Variants in NCOR1 observed in about 807,000 individuals in gnomAD.
NCOR1 encodes protein phosphatase 1, regulatory subunit 109.
NCOR1 carries 63 observed loss-of-function variants against 288.1 expected under a neutral mutation model. The observed-to-expected ratio is 0.22, with a 90% confidence interval of 0.18 to 0.27. NCOR1 has a LOEUF of 0.27. Among genes scored for constraint, NCOR1 ranks in the 10% least tolerant of loss-of-function variants. The pLI, the probability that NCOR1 is intolerant of heterozygous loss-of-function variation, is 1.00. For synonymous variants in NCOR1, 1,007 were observed against 1,065.9 expected, an observed-to-expected ratio of 0.94 and a Z score of 1.08; for missense variants, 2,397 against 3,019.2, an observed-to-expected ratio of 0.79 and a Z score of 4.83.
chr17:16,070,634 T>C (rs1466593990), intron 30 of NCOR1, 109 bp from the exon 31 acceptor site: 44 of 1,439,750 alleles, frequency 3.1e-5, no homozygotes, highest in South Asian at 4.1e-5. Flanking sequence ...GTGATCTTTT[T>C]TGGTCTGTTT....
At chr17:16,038,277 G>C (rs561882190) in intron 44 of NCOR1, among the ~76,000 whole-genome samples, 1 of 152,198 alleles carries the variant, frequency 6.6e-6, no homozygotes, top group African/African-American at 2.4e-5. Context: ...TGGTTTTTTT[G>C]TGTGCTTGTT....
chr17:16,100,836 T>C (rs1289522951), intron 20 of NCOR1, among the ~76,000 whole-genome samples: 2 of 152,188 alleles, frequency 1.3e-5, no homozygotes, highest in Admixed American at 6.5e-5. Context: ...ACCTAATAAG[T>C]AGGGGCTGGT....
chr17:16,079,221 T>G (rs1190163764), intron 26 of NCOR1, among the ~76,000 whole-genome samples: 1 of 152,216 alleles, frequency 6.6e-6, no homozygotes, highest in Non-Finnish European at 1.5e-5. Context: ...GTGTAGCAAT[T>G]TTCTAGGTGA....
intron 22 of NCOR1, chr17:16,087,031 A>G (rs2064344294): frequency 1.9e-6 from 1 of 539,788 alleles, no homozygotes. Flanking sequence ...ACAACTGATG[A>G]TGGAACGCAG....
In NCOR1 at chr17:16,080,485, T is replaced by C; in HGVS notation, c.3323A>G (p.Glu1108Gly). 1 of 1,614,184 alleles carries C rather than the reference T, an allele frequency of 6.2e-7. No homozygotes were observed. The highest frequency in any genetic ancestry group is 8.5e-7 in the Non-Finnish European group (1 of 1,180,024). ...KSATLPYIKQ[E>G]EFSPRSQNSQ... Reference sequence around the variant, plus strand: ...GTTTTGGCTTCGGGGAGAAAATTCTTCCTGCTTGATGTAGGGCAAAGTAGC... The same window carrying C: ...GTTTTGGCTTCGGGGAGAAAATTCTCCCTGCTTGATGTAGGGCAAAGTAGC... Residue 1108 changes from glutamate (E) to glycine (G), a missense_variant, in exon 25 of 46, where the codon GAA (glutamate) becomes GGA (glycine). Physicochemically the swap from Glu to Gly is moderately conservative, Grantham distance 98. Coordinates refer to ENST00000268712, the MANE Select transcript of NCOR1 (RefSeq NM_006311.4).
At chr17:16,058,774 C>CA (rs2060216090) in intron 37 of NCOR1, among the ~76,000 whole-genome samples, 175 bp from the exon 38 acceptor site, 1 of 151,990 alleles carries the variant, frequency 6.6e-6, no homozygotes, top group Non-Finnish European at 1.5e-5. Context: ...AGGCTGGGTG[C>CA]AGTGGCTCAT....
At chr17:16,215,100 G>C (rs1254940560) in intron 1 of NCOR1, among the ~76,000 whole-genome samples, 4 of 152,184 alleles carry the variant, frequency 2.6e-5, no homozygotes, top group African/African-American at 9.7e-5. Context: ...GGCCAGCCCC[G>C]GCCCGGCCAC....
At chr17:16,096,951 AAAAT>A (rs1191686049) in intron 21 of NCOR1, among the ~76,000 whole-genome samples, 1 of 152,252 alleles carries the variant, frequency 6.6e-6, no homozygotes, top group Non-Finnish European at 1.5e-5. Flanking sequence ...TCAGCCTTTA[AAAAT>A]AAAGAAATTC....
intron 44 of NCOR1, among the ~76,000 whole-genome samples, chr17:16,038,586 GC>G (rs1237368700): frequency 1.3e-5 from 2 of 151,950 alleles, no homozygotes; most frequent in Non-Finnish European, 2.9e-5. Flanking sequence ...TACAGCGTGA[GC>G]CACCACACCC....
rs370306036 is a variant in NCOR1, at chr17:16,064,978, G to A, written c.4993C>T (p.Pro1665Ser). The A allele has an allele frequency of 2.5e-6, 4 of 1,613,772 alleles. No homozygotes were observed. The highest frequency in any genetic ancestry group is 3.4e-6 in the Non-Finnish European group (4 of 1,179,824). The change falls in exon 34 of 46, where the codon CCT becomes TCT. Residue 1665 changes from proline (P) to serine (S), a missense_variant. Physicochemically the swap from Pro to Ser is moderately conservative, Grantham distance 74 (BLOSUM62 -1). Around this residue, in one of 11 missense-constraint regions of NCOR1, gnomAD observed 1,872 missense variants for 2,187.8 expected, o/e 0.86. Transcript: ENST00000268712. The stretch of plus-strand genomic sequence containing the variant: ...GGAGTGCTTGTTCCCCCTGGATGAG[G>A]CACTAAAATTGTTGGAGGCATATTG... ...LTNMPPTILV[P>S]HPGGTSTPPM... is the part of the protein sequence containing the mutation.
chr17:16,180,884 C>T lies in NCOR1; in HGVS notation c.242+5670G>A, dbSNP rs147915094. ...GGATTAAGAAAATGTGCAGGCCAGG[C>T]ACAGTGGCTCACTCCTGTAATCCCA... On this transcript the variant is annotated intron_variant, in intron 3 of 45. Coordinates refer to ENST00000268712, the MANE Select transcript of NCOR1 (RefSeq NM_006311.4). Among the ~76,000 whole-genome samples, 221 of 152,338 alleles carry T rather than the reference C, an allele frequency of 1.5e-3. 2 individuals are homozygous for T. Among genetic ancestry groups the T allele is most frequent in the African/African-American group, 4.9e-3 (204 of 41,580 alleles).
At chr17:16,041,823 G>A (rs920362212) in intron 42 of NCOR1, among the ~76,000 whole-genome samples, 1 of 151,970 alleles carries the variant, frequency 6.6e-6, no homozygotes, top group Non-Finnish European at 1.5e-5. Context: ...TGCAAGCTCT[G>A]CCTCCCAGGT....
Position 16,049,001 on chromosome 17 carries a change from G to A in NCOR1, c.6393-13C>T. 6.3e-7 allele frequency: 1 copy of A among 1,594,002 alleles called. No homozygotes were observed. Among genetic ancestry groups the A allele is most frequent in the African/African-American group, 1.3e-5 (1 of 74,564 alleles). ...TTTTCCAGGCCTACTATTGTAATAT[G>A]TGAAATATTAGATTGTGTTTCAAAG... On this transcript the variant is annotated splice_polypyrimidine_tract_variant and intron_variant, in intron 40 of 45. Transcript: ENST00000268712.
intron 1 of NCOR1, among the ~76,000 whole-genome samples, chr17:16,207,110 G>A (rs1420438492): frequency 1.3e-5 from 2 of 151,924 alleles, no homozygotes; most frequent in Non-Finnish European, 2.9e-5. Context: ...CACAAGTTTT[G>A]ATTTCATTCC....
Position 16,165,134 on chromosome 17 carries a change from C to T in NCOR1, c.463G>A (p.Ala155Thr), listed in dbSNP as rs748917951. The T allele has an allele frequency of 3.8e-6, 6 of 1,599,504 alleles. No homozygotes were observed. The highest frequency in any genetic ancestry group is 5.1e-6 in the Non-Finnish European group (6 of 1,176,844). The change falls in exon 5 of 46, where the codon GCT becomes ACT. Residue 155 changes from alanine to threonine, a missense_variant. By Grantham distance (58) the Ala-to-Thr change is moderately conservative. Coordinates refer to ENST00000268712, the MANE Select transcript of NCOR1 (RefSeq NM_006311.4). ...KDPAFGGKHE[A>T]PSSPISGQPC... ...TGCCCCGAAATTGGAGAGGATGGAG[C>T]TTCATGTTTGCCTCCGAATGCTGGA... is the stretch of plus-strand genomic sequence containing the variant.
chr17:16,040,419 A>C, intron 43 of NCOR1, 22 bp downstream of exon 43: 1 of 1,610,800 alleles, frequency 6.2e-7, no homozygotes, highest in Non-Finnish European at 8.5e-7. Flanking sequence ...TGTATTGGTA[A>C]ATAATGTCTT....
chr17:16,084,511 T>G (rs1042669341), intron 23 of NCOR1: 1 of 152,078 alleles, frequency 6.6e-6, no homozygotes, highest in Admixed American at 6.5e-5. Context: ...CATCAAATAG[T>G]CAAAACAATC....
At chr17:16,144,990 C>T (rs547705874) in intron 10 of NCOR1, among the ~76,000 whole-genome samples, 17 of 152,336 alleles carry the variant, frequency 1.1e-4, no homozygotes, top group Middle Eastern at 3.4e-3. Context: ...CCATGATCTC[C>T]GCTTGCTGCA....
At chr17:16,046,283 A>G (rs2058638571) in intron 42 of NCOR1, among the ~76,000 whole-genome samples, 1 of 152,198 alleles carries the variant, frequency 6.6e-6, no homozygotes. Context: ...GCATGAATTA[A>G]AAGTAGCCCA....
Sources: allele counts gnomAD v4.1 joint callset (sites outside exome capture counted in the v4.1 genomes callset), GRCh38; gene constraint gnomAD v4.1.1; regional missense constraint gnomAD v4.1.1; transcripts MANE v1.5; gene names NCBI Gene and HGNC (gene_info 2026-07-23, HGNC 2026-07-21).